Variants in CCDC3 observed in about 807,000 individuals in gnomAD.
CCDC3 encodes coiled-coil domain containing 3.
A neutral mutation model predicts 21.4 loss-of-function variants in CCDC3; 24 were observed. The ratio of observed to expected loss-of-function variants is 1.12; its 90% confidence interval spans 0.81 to 1.58. The LOEUF is 1.58. Ranked by LOEUF, CCDC3 falls within the 40% of genes most tolerant of loss-of-function variation. The pLI, the probability that CCDC3 is intolerant of heterozygous loss-of-function variation, is 0.00. For synonymous variants in CCDC3, 186 were observed against 166.0 expected (o/e 1.12, Z -0.93); for missense variants, 425 against 360.9 (o/e 1.18, Z -1.44).
chr10:12,931,461 A>G (rs983757997), intron 2 of CCDC3, among the ~76,000 whole-genome samples: 1 of 152,240 alleles, frequency 6.6e-6, no homozygotes, highest in Non-Finnish European at 1.5e-5. Context: ...GAATGAATTT[A>G]GAGTCCATCC....
chr10:13,058,975 T>C (rs192869197), intron 4 of CCDC3, among the ~76,000 whole-genome samples: 59 of 152,296 alleles, frequency 3.9e-4, no homozygotes, highest in Admixed American at 3.5e-3. Context: ...TGGAGAGTAC[T>C]ATTAGTGGCC....
chr10:12,962,930 C>G (rs1472576374), intron 2 of CCDC3, among the ~76,000 whole-genome samples: 1 of 152,146 alleles, frequency 6.6e-6, no homozygotes, highest in Non-Finnish European at 1.5e-5. Flanking sequence ...ATGGTTTCTT[C>G]CAAGCTTTAT....
intron 5 of CCDC3, among the ~76,000 whole-genome samples, chr10:13,022,663 T>C (rs1836162235): frequency 6.6e-6 from 1 of 152,100 alleles, no homozygotes; most frequent in African/African-American, 2.4e-5. Context: ...ATTATCAGAG[T>C]TGTTAACAGA....
At chr10:12,900,901 C>T (rs191251515) in intron 2 of CCDC3, among the ~76,000 whole-genome samples, 3 of 152,200 alleles carry the variant, frequency 2.0e-5, no homozygotes, top group Admixed American at 2.0e-4. Context: ...CACTTCAGTA[C>T]TAAAGGATTG....
chr10:12,977,222 C>T (rs1011415863), intron 2 of CCDC3, among the ~76,000 whole-genome samples: 3 of 151,906 alleles, frequency 2.0e-5, no homozygotes, highest in Non-Finnish European at 4.4e-5. Flanking sequence ...TTGCTGTGAG[C>T]TGAAGTTGCG....
At chr10:13,013,229 T>C (rs11258124) in intron 5 of CCDC3, among the ~76,000 whole-genome samples, 22,693 of 152,210 alleles carry the variant, frequency 0.15, 1,980 homozygotes, top group Admixed American at 0.23. Context: ...CTAAATATCA[T>C]TCTCCATTAA....
intron 2 of CCDC3, among the ~76,000 whole-genome samples, chr10:12,953,080 A>G (rs1171818502): frequency 8.1e-6 from 1 of 123,538 alleles, no homozygotes; most frequent in Admixed American, 8.3e-5. Context: ...AGACTGGGTA[A>G]TTTATACAGG....
chr10:12,912,221 A>G (rs542046236), intron 2 of CCDC3, among the ~76,000 whole-genome samples: 56 of 152,150 alleles, frequency 3.7e-4, no homozygotes, highest in Non-Finnish European at 6.3e-4. Flanking sequence ...ACAGTTTTCC[A>G]TAATTACTAA....
chr10:13,069,149 G>A (rs1182305655), intron 4 of CCDC3, among the ~76,000 whole-genome samples: 8 of 152,214 alleles, frequency 5.3e-5, no homozygotes, highest in African/African-American at 2.4e-5. Context: ...CAGCTACTCG[G>A]GAGGCTGAGG....
intron 2 of CCDC3, among the ~76,000 whole-genome samples, chr10:12,934,284 TCG>T (rs1834699833): frequency 1.3e-5 from 2 of 152,228 alleles, no homozygotes; most frequent in African/African-American, 2.4e-5. Context: ...AATTCCATTG[TCG>T]TCTTTCCATT....
At chr10:13,072,709 G>A (rs1405237476) in intron 4 of CCDC3, among the ~76,000 whole-genome samples, 1 of 151,810 alleles carries the variant, frequency 6.6e-6, no homozygotes. Flanking sequence ...CCAATAAAAT[G>A]CTGCTCTGCA....
rs569174247 is a variant in CCDC3, at chr10:13,029,676, G to C, written c.-2+19998C>G. ...CTGACGGAGCTGAAAATCATGGTAC[G>C]AGAACTACATGACGCATGCACAAGC... On this transcript the variant is annotated intron_variant, in intron 5 of 6. Coordinates refer to the CCDC3 transcript ENST00000378839. 5.8e-4 allele frequency among the ~76,000 whole-genome samples: 89 copies of C among 152,302 alleles called. 4 individuals carry two copies. The South Asian group carries it at 0.018, about 31-fold the overall frequency.
chr10:12,995,715 C>G (rs1835752910), intron 2 of CCDC3, among the ~76,000 whole-genome samples: 1 of 152,198 alleles, frequency 6.6e-6, no homozygotes, highest in Non-Finnish European at 1.5e-5. Flanking sequence ...CAAGTTTCCA[C>G]TTTTTCTCTG....
chr10:12,926,306 T>C (rs1430185658), intron 2 of CCDC3, among the ~76,000 whole-genome samples: 2 of 152,158 alleles, frequency 1.3e-5, no homozygotes, highest in African/African-American at 4.8e-5. Context: ...CATAACCCAA[T>C]TATATATTCC....
At chr10:13,093,026 C>CTTT in intron 3 of CCDC3, among the ~76,000 whole-genome samples, 1 of 128,688 alleles carries the variant, frequency 7.8e-6, no homozygotes, top group African/African-American at 2.9e-5. Context: ...AACCCCTCAC[C>CTTT]TTTTTTTTTT....
At chr10:12,978,493 A>G (rs1264039205) in intron 2 of CCDC3, among the ~76,000 whole-genome samples, 1 of 152,200 alleles carries the variant, frequency 6.6e-6, no homozygotes, top group African/African-American at 2.4e-5. Flanking sequence ...GTTACATGAC[A>G]CGGTCAAGGG....
intron 2 of CCDC3, among the ~76,000 whole-genome samples, chr10:12,937,897 T>G (rs1834765595): frequency 6.6e-6 from 1 of 152,204 alleles, no homozygotes; most frequent in Non-Finnish European, 1.5e-5. Context: ...TCTCCCTGTG[T>G]CTCAGTCATC....
At chr10:12,988,790 C>T (rs150520840) in intron 2 of CCDC3, among the ~76,000 whole-genome samples, 1 of 152,256 alleles carries the variant, frequency 6.6e-6, no homozygotes, top group African/African-American at 2.4e-5. Context: ...TCTCCTGTTC[C>T]CTTTTGTATC....
chr10:13,054,153 T>G (rs1298356825), intron 4 of CCDC3, among the ~76,000 whole-genome samples: 1 of 84,362 alleles, frequency 1.2e-5, no homozygotes, highest in Non-Finnish European at 2.4e-5. Flanking sequence ...AGACTCTGTA[T>G]CAAAAAAAAA....
Sources: allele counts gnomAD v4.1 joint callset (sites outside exome capture counted in the v4.1 genomes callset), GRCh38; gene constraint gnomAD v4.1.1; transcripts MANE v1.5; gene names NCBI Gene and HGNC (gene_info 2026-07-23, HGNC 2026-07-21).